The following ITSN2 variants were observed in gnomAD, a reference collection of about 807,000 sequenced individuals.
ITSN2 encodes the protein intersectin-2.
A neutral mutation model predicts 243.7 loss-of-function variants in ITSN2; 156 were observed. The ratio of observed to expected loss-of-function variants is 0.64; its 90% CI spans 0.56 to 0.73. ITSN2 has a LOEUF of 0.73. Ranked by LOEUF, ITSN2 falls within the 30% of genes least tolerant of loss-of-function variation. The probability of loss-of-function intolerance (pLI) is 0.00; values close to 1 mark genes in which losing one functional copy is unlikely to be tolerated. For missense variants in ITSN2, 1,801 were observed against 1,996.1 expected, an observed-to-expected ratio of 0.90 and a Z score of 1.86; for synonymous variants, 703 against 699.9, an observed-to-expected ratio of 1.00 and a Z score of -0.07.
chr2:24,275,947 A>T (rs1677956624), intron 17 of ITSN2, 98 bp from the exon 18 acceptor site: 1 of 867,660 alleles, frequency 1.2e-6, no homozygotes, highest in African/African-American at 1.7e-5. Flanking sequence ...AAAATCCTAT[A>T]GCAAGTTGAA....
At position 24,221,041 on chromosome 2, in the gene ITSN2, G is replaced by A. The variant is rs143402065; in HGVS notation, c.3603C>T (p.Asp1201=). ...TTTTCCTCTCAATTGGCTGCATTGTGTCCAGGGTTTGCAGATCAGCACACC... is the reference window on the plus strand; with the variant it reads ...TTTTCCTCTCAATTGGCTGCATTGTATCCAGGGTTTGCAGATCAGCACACC... The part of the protein sequence containing the change: ...QQWCADLQTL[D]TMQPIERKRQ... Residue 1201 remains aspartate (D), a synonymous_variant, in exon 30 of 40, where the codon GAC becomes GAT. Transcript: ENST00000355123. The A allele has an allele frequency of 1.3e-5, 21 of 1,608,062 alleles. No homozygotes were observed. The African/African-American group carries it at 2.8e-4, about 22-fold the overall frequency.
chr2:24,237,075 G>C (rs926108855), intron 29 of ITSN2, among the ~76,000 whole-genome samples: 1 of 152,078 alleles, frequency 6.6e-6, no homozygotes, highest in African/African-American at 2.4e-5. Flanking sequence ...CACTAGTGTA[G>C]AGGCTAACAG....
At chr2:24,268,490 G>A (rs1454634147) in intron 20 of ITSN2, among the ~76,000 whole-genome samples, 1 of 152,168 alleles carries the variant, frequency 6.6e-6, no homozygotes, top group African/African-American at 2.4e-5. Flanking sequence ...AGTCAGAACA[G>A]GGAGGTTTGA....
intron 30 of ITSN2, among the ~76,000 whole-genome samples, chr2:24,218,583 T>TGTGTGTGTACACACACGC (rs1426137437): frequency 4.0e-5 from 6 of 151,796 alleles, no homozygotes; most frequent in East Asian, 3.9e-4. Flanking sequence ...CAGATGCTTG[T>TGTGTGTGTACACACACGC]GTGTGTGTAC....
At chr2:24,320,229 A>T (rs1318280535) in intron 2 of ITSN2, among the ~76,000 whole-genome samples, 1 of 152,094 alleles carries the variant, frequency 6.6e-6, no homozygotes, top group Non-Finnish European at 1.5e-5. Context: ...AACTTAAAAA[A>T]ATTAGCCAGG....
intron 29 of ITSN2, among the ~76,000 whole-genome samples, chr2:24,235,260 C>A (rs1322033323): frequency 6.6e-6 from 1 of 151,422 alleles, no homozygotes; most frequent in Admixed American, 6.6e-5. Flanking sequence ...TGATTCCAAT[C>A]ATATGATATT....
At chr2:24,311,049 G>C (rs1683199943) in intron 5 of ITSN2, among the ~76,000 whole-genome samples, 1 of 150,830 alleles carries the variant, frequency 6.6e-6, no homozygotes, top group Non-Finnish European at 1.5e-5. Flanking sequence ...GTGCTACTAA[G>C]TTACTTGACT....
At position 24,312,394 on chromosome 2, in the gene ITSN2, A is replaced by G. The variant is rs747959878; in HGVS notation, c.189-19T>C. 1.9e-6 allele frequency: 3 copies of G among 1,579,364 alleles called. No homozygotes were observed. The highest frequency in any genetic ancestry group is 2.6e-6 in the Non-Finnish European group (3 of 1,160,820). On this transcript the variant is annotated intron_variant, in intron 4 of 39. Coordinates refer to ENST00000355123, the MANE Select transcript of ITSN2 (RefSeq NM_006277.3). Reference sequence around the variant, plus strand: ...TAAAGCCCTAAAAGGAGCATGAGGTAGGTAGATTGCTATGTGGTGTGGTGG... The same window carrying G: ...TAAAGCCCTAAAAGGAGCATGAGGTGGGTAGATTGCTATGTGGTGTGGTGG...
chr2:24,209,082 C>T lies in ITSN2; in HGVS notation c.4595+18G>A, dbSNP rs1478492357. The T allele has an allele frequency of 1.9e-6, 3 of 1,613,196 alleles. No homozygotes were observed. Among genetic ancestry groups the T allele is most frequent in the Admixed American group, 3.3e-5 (2 of 60,012 alleles). ...TTCTCCCAGAGTTCAAGGCAGGCCA[C>T]ACATGGTCAGGACTGACCTCTCATT... On this transcript the variant is annotated intron_variant, in intron 36 of 39. Coordinates refer to ENST00000355123, the MANE Select transcript of ITSN2 (RefSeq NM_006277.3).
chr2:24,321,366 C>T (rs1684561431), intron 2 of ITSN2, among the ~76,000 whole-genome samples: 1 of 152,062 alleles, frequency 6.6e-6, no homozygotes, highest in Admixed American at 6.6e-5. Flanking sequence ...TAAAAATCTG[C>T]CTTACAAAGA....
intron 29 of ITSN2, among the ~76,000 whole-genome samples, chr2:24,244,084 T>C (rs1400347946): frequency 6.6e-6 from 1 of 152,240 alleles, no homozygotes; most frequent in Non-Finnish European, 1.5e-5. Flanking sequence ...CGAAGCATTT[T>C]CTGGGCAAAA....
chr2:24,289,493 T>A (rs1679960949), intron 15 of ITSN2, among the ~76,000 whole-genome samples: 1 of 152,218 alleles, frequency 6.6e-6, no homozygotes, highest in East Asian at 1.9e-4. Context: ...TAGTTCTAAG[T>A]TTTATTGCAG....
At chr2:24,296,156 T>A (rs1680935172) in intron 13 of ITSN2, among the ~76,000 whole-genome samples, 1 of 152,252 alleles carries the variant, frequency 6.6e-6, no homozygotes, top group African/African-American at 2.4e-5. Flanking sequence ...TGTTTGCATG[T>A]GATGCTCGGC....
chr2:24,290,375 T>G (rs1223682505), intron 15 of ITSN2, among the ~76,000 whole-genome samples: 2 of 152,202 alleles, frequency 1.3e-5, no homozygotes, highest in Non-Finnish European at 2.9e-5. Context: ...CTTTGCCGTA[T>G]TTTTCTATTG....
intron 29 of ITSN2, among the ~76,000 whole-genome samples, chr2:24,236,965 G>A (rs1251404407): frequency 6.6e-6 from 1 of 151,676 alleles, no homozygotes; most frequent in Non-Finnish European, 1.5e-5. Context: ...AAAAGTGCTG[G>A]GATTACAGGC....
rs373776903 is a variant in ITSN2, at chr2:24,246,896, A to G, written c.3289-3T>C. 6 of 1,578,690 alleles carry G rather than the reference A, an allele frequency of 3.8e-6. No individual in the cohort carries two copies. Among genetic ancestry groups the G allele is most frequent in the Non-Finnish European group, 4.3e-6 (5 of 1,151,764 alleles). On this transcript the variant is annotated splice_polypyrimidine_tract_variant and splice_region_variant and intron_variant, in intron 27 of 39. Coordinates refer to ENST00000355123, the MANE Select transcript of ITSN2 (RefSeq NM_006277.3). ...TTCTGTCGCTTTTTTCCTCTGGCCT[A>G]AAAATTAGCAAAAGAAATACATAAT...
chr2:24,220,201 C>T (rs1216138148), intron 30 of ITSN2: 4 of 348,380 alleles, frequency 1.1e-5, no homozygotes, highest in Admixed American at 6.5e-5. Context: ...ATACGCTGCA[C>T]CTGTTGGGTG....
chr2:24,286,978 C>T (rs1574155515), intron 15 of ITSN2, among the ~76,000 whole-genome samples: 1 of 152,222 alleles, frequency 6.6e-6, no homozygotes, highest in African/African-American at 2.4e-5. Flanking sequence ...GCAATATTAT[C>T]TGTTTAAATG....
At chr2:24,252,314 C>A in intron 25 of ITSN2, 31 bp downstream of exon 25, 1 of 1,499,982 alleles carries the variant, frequency 6.7e-7, no homozygotes, top group Non-Finnish European at 9.2e-7. Context: ...ACCTGATTAA[C>A]CAGAATGGGT....
Sources: allele counts gnomAD v4.1 joint callset (sites outside exome capture counted in the v4.1 genomes callset), GRCh38; gene constraint gnomAD v4.1.1; transcripts MANE v1.5; gene names NCBI Gene and HGNC (gene_info 2026-07-23, HGNC 2026-07-21).